Variants in PTPRT observed in about 807,000 individuals in gnomAD.
The protein encoded by PTPRT is receptor-type tyrosine-protein phosphatase T.
In PTPRT, 56 loss-of-function variants were observed where a neutral mutation model predicts 176.8. The ratio of observed to expected loss-of-function variants is 0.32; its 90% CI spans 0.26 to 0.40. The LOEUF is 0.40. Among genes scored for constraint, PTPRT ranks in the 10% least tolerant of loss-of-function variants. The pLI is 1.00. For synonymous variants in PTPRT, 783 were observed against 739.0 expected (o/e 1.06, Z -0.96); for missense variants, 1,540 against 1,908.2 (o/e 0.81, Z 3.60).
At chr20:42,376,827 G>A (rs1488582701) in intron 9 of PTPRT, among the ~76,000 whole-genome samples, 1 of 152,146 alleles carries the variant, frequency 6.6e-6, no homozygotes, top group Non-Finnish European at 1.5e-5. Context: ...TATAGTGGGG[G>A]AGATGAGCAA....
chr20:43,165,765 T>G (rs564985583), intron 1 of PTPRT, among the ~76,000 whole-genome samples: 132 of 152,274 alleles, frequency 8.7e-4, no homozygotes, highest in African/African-American at 3.1e-3. Flanking sequence ...ACTTACGTTT[T>G]TAAAAAATTA....
At chr20:42,723,441 T>C (rs548257061) in intron 6 of PTPRT, among the ~76,000 whole-genome samples, 1 of 152,212 alleles carries the variant, frequency 6.6e-6, no homozygotes, top group South Asian at 2.1e-4. Flanking sequence ...GTGGGGCAGC[T>C]CCCACAGAGC....
At chr20:42,598,060 G>A (rs1052314864) in intron 7 of PTPRT, among the ~76,000 whole-genome samples, 9 of 151,898 alleles carry the variant, frequency 5.9e-5, no homozygotes, top group Non-Finnish European at 1.2e-4. Flanking sequence ...ATATACTATA[G>A]TAGCAACCCC....
the PTPRT span, among the ~76,000 whole-genome samples, chr20:42,052,921 C>T: frequency 6.6e-6 from 1 of 152,166 alleles, no homozygotes; most frequent in African/African-American, 2.4e-5. Flanking sequence ...CAGCAATTGG[C>T]TAACTTTTTC....
intron 5 of PTPRT, among the ~76,000 whole-genome samples, chr20:42,765,329 A>G (rs564090605): frequency 1.4e-4 from 21 of 152,256 alleles, no homozygotes; most frequent in Middle Eastern, 3.4e-3. Flanking sequence ...CTCCTTGATA[A>G]AGACAGGAGG....
At chr20:42,726,098 A>ATT (rs762451632) in intron 6 of PTPRT, among the ~76,000 whole-genome samples, 130 of 132,096 alleles carry the variant, frequency 9.8e-4, no homozygotes, top group African/African-American at 3.0e-3. Flanking sequence ...TTATTATTAT[A>ATT]GACTGAGTTT....
At chr20:42,102,420 T>C in intron 25 of PTPRT, 123 bp from the exon 26 acceptor site, 1 of 1,053,812 alleles carries the variant, frequency 9.5e-7, no homozygotes, top group Non-Finnish European at 1.4e-6. Flanking sequence ...AGCCCCACTC[T>C]CCCTTTCCCG....
chr20:42,620,410 C>T (rs972003202), intron 7 of PTPRT, among the ~76,000 whole-genome samples: 24 of 149,862 alleles, frequency 1.6e-4, no homozygotes, highest in Admixed American at 1.4e-3. Context: ...CTGTGCCCTG[C>T]CCCCAGAGGT....
intron 6 of PTPRT, among the ~76,000 whole-genome samples, chr20:42,686,533 G>A (rs1446474709): frequency 7.8e-6 from 1 of 128,974 alleles, no homozygotes; most frequent in Non-Finnish European, 1.6e-5. Context: ...ACCCAGGCTG[G>A]AGTGCAGTGG....
At chr20:43,041,709 A>T (rs1986614449) in intron 1 of PTPRT, among the ~76,000 whole-genome samples, 3 of 152,226 alleles carry the variant, frequency 2.0e-5, no homozygotes, top group Admixed American at 2.0e-4. Context: ...TCTTGTTGTC[A>T]TGCCAACAAG....
chr20:42,052,173 A>G, the PTPRT span, among the ~76,000 whole-genome samples: 1 of 152,160 alleles, frequency 6.6e-6, no homozygotes, highest in Non-Finnish European at 1.5e-5. Context: ...CAATGGGAGC[A>G]CCCCAGGGCA....
rs191983518 is a variant in PTPRT at position 43,152,109 on chromosome 20, T to C, written c.88+37537A>G. On this transcript the variant is annotated intron_variant, in intron 1 of 30. Transcript: ENST00000373187. ...TCATGGAAACAACTATTTCATCAAA[T>C]ACCAGAACTGCTCAGAAAAAGCCTC... Among the ~76,000 whole-genome samples the C allele has an allele frequency of 1.1e-4, 16 of 152,174 alleles. No individual in the cohort carries two copies. The East Asian group carries it at 3.1e-3, about 29-fold the overall frequency.
chr20:42,756,553 G>A lies in PTPRT; in HGVS notation c.768C>T (p.Asp256=). The A allele has an allele frequency of 6.2e-7, 1 of 1,613,270 alleles. No homozygotes were observed. The highest frequency in any genetic ancestry group is 8.5e-7 in the Non-Finnish European group (1 of 1,179,408). ...ACTTGCTGACGCTCCGCTGGGCAGT[G>A]TCTGCCACACTGACTGTGGCTGAGA... ...RRFSATVSVA[D]TAQRSVSKYR... The change falls in exon 6 of 31, where the codon GAC becomes GAT. Residue 256 remains aspartate (D), a synonymous_variant. Transcript: ENST00000373187.
At chr20:42,066,886 A>G in the PTPRT span, among the ~76,000 whole-genome samples, 57 of 152,314 alleles carry the variant, frequency 3.7e-4, no homozygotes, top group African/African-American at 1.4e-3. Context: ...TGTTGGATAC[A>G]ACAACAAAAA....
chr20:42,233,639 T>C (rs1207410514), intron 15 of PTPRT, among the ~76,000 whole-genome samples: 3 of 152,140 alleles, frequency 2.0e-5, no homozygotes, highest in South Asian at 2.1e-4. Context: ...TTGGTGGTAG[T>C]TGGGATGGGA....
chr20:42,252,186 A>G (rs2056560428), intron 13 of PTPRT, among the ~76,000 whole-genome samples: 2 of 152,234 alleles, frequency 1.3e-5, no homozygotes, highest in South Asian at 2.1e-4. Flanking sequence ...GATGGTGGTA[A>G]TGTTTACGGG....
intron 1 of PTPRT, among the ~76,000 whole-genome samples, chr20:42,956,463 C>T (rs1430804257): frequency 1.3e-5 from 2 of 148,266 alleles, no homozygotes; most frequent in African/African-American, 5.2e-5. Context: ...GTGTGAGACA[C>T]CTGCTCCCCC....
intron 7 of PTPRT, among the ~76,000 whole-genome samples, chr20:42,570,518 T>C (rs1285266957): frequency 2.0e-5 from 3 of 152,174 alleles, no homozygotes; most frequent in African/African-American, 7.2e-5. Flanking sequence ...ATTACCAAGG[T>C]GAGAGGCTCA....
At chr20:42,743,484 C>T (rs186453179) in intron 6 of PTPRT, among the ~76,000 whole-genome samples, 6 of 152,278 alleles carry the variant, frequency 3.9e-5, no homozygotes, top group African/African-American at 1.4e-4. Context: ...AGAGCTGCAT[C>T]GTTTGTTTTT....
Sources: gnomAD v4.1 joint callset for allele counts (sites outside exome capture counted in the v4.1 genomes callset) on GRCh38, gnomAD v4.1.1 for gene constraint, MANE v1.5 for transcripts, NCBI Gene and HGNC (gene_info 2026-07-23, HGNC 2026-07-21) for gene names.